SBK1: variants seen among roughly 807,000 people sequenced by gnomAD.
SBK1 encodes serine/threonine-protein kinase SBK1.
In SBK1, 11 loss-of-function variants were observed where a neutral mutation model predicts 24.4. The observed-to-expected ratio is 0.45, with a 90% CI of 0.28 to 0.75. The LOEUF (loss-of-function observed/expected upper bound fraction) is 0.75. SBK1 is among the 30% of genes least tolerant of loss of function. The pLI is 0.12. For synonymous variants in SBK1, 308 were observed against 284.4 expected (o/e 1.08, Z -0.83); for missense variants, 467 against 620.5 (o/e 0.75, Z 2.63).
In SBK1 at chr16:28,259,422, C is replaced by T. The variant is rs991153458; in HGVS notation, c.177C>T (p.Val59=). ...CGGCCTGGCCCATGGGCTGCGGAGT[C>T]GATGATGTGCCGGCCTTCTGCTTCG... The change falls in exon 1 of 4, where the codon GTC becomes GTT. Residue 59 remains valine (V), a synonymous_variant. Coordinates refer to the SBK1 transcript ENST00000671413. This position sits in a 1 kb window ranked among gnomAD's most constrained non-coding sequence, Gnocchi z 6.0. The T allele has an allele frequency of 1.3e-5, 13 of 985,756 alleles. No individual in the cohort carries two copies. In the South Asian group the frequency reaches 1.4e-4, roughly 11 times the overall value. The allele number at this position is 985,756 out of a possible 1,614,324, so 61.1% of individuals were successfully genotyped here.
intron 1 of SBK1, among the ~76,000 whole-genome samples, chr16:28,280,653 ATTTAT>A (rs376906418): frequency 2.6e-5 from 4 of 151,112 alleles, no homozygotes; most frequent in Admixed American, 2.0e-4. Flanking sequence ...CAGTAACTTC[ATTTAT>A]TTTATTTTAT....
At chr16:28,274,818 T>C (rs2044486602) in intron 1 of SBK1, among the ~76,000 whole-genome samples, 2 of 152,056 alleles carry the variant, frequency 1.3e-5, no homozygotes, top group African/African-American at 2.4e-5. Context: ...ACCAATGTTA[T>C]AATGCAACTG....
upstream of SBK1, among the ~76,000 whole-genome samples, chr16:28,288,450 G>A (rs1442905101): frequency 1.3e-5 from 2 of 152,166 alleles, no homozygotes. Flanking sequence ...CTCTTTCTAT[G>A]GGAAAACTTT....
Position 28,307,610 on chromosome 16 carries a change from C to G in SBK1, c.-7-9775C>G, listed in dbSNP as rs573413998. Among the ~76,000 whole-genome samples, 12 of 151,832 alleles carry G rather than the reference C, an allele frequency of 7.9e-5. No individual in the cohort carries two copies. In the South Asian group the frequency reaches 2.3e-3, roughly 29 times the overall value. ...CAAAAATTAGCCGGGCGTGGTGGCT[C>G]ACGCCTGTAGTCCCAGCTACTCGGG... is the stretch of plus-strand genomic sequence containing the variant. On this transcript the variant is annotated intron_variant, in intron 1 of 3. Transcript: ENST00000341901.
chr16:28,320,656 C>T lies in SBK1; in HGVS notation c.1010C>T (p.Pro337Leu). The change falls in exon 4 of 4, where the codon CCG (proline) becomes CTG (leucine). Residue 337 changes from proline to leucine, a missense_variant. Physicochemically the swap from Pro to Leu is moderately conservative, Grantham distance 98. Around this residue, in one of 4 missense-constraint regions of SBK1, gnomAD observed 166 missense variants for 146.8 expected, o/e 1.13. Transcript: ENST00000341901. The surrounding 1 kb of genome is among the most constrained non-coding windows in gnomAD (Gnocchi z 8.5). The stretch of plus-strand genomic sequence containing the variant: ...GCGCGCAAGCCCCCCGGGGACCGCC[C>T]GCCCGCCGCCGGGCCACTGCGCCTC... ...HRARKPPGDR[P>L]PAAGPLRLEA... 9 of 1,100,854 alleles carry T rather than the reference C, an allele frequency of 8.2e-6. No individual in the cohort carries two copies. Among genetic ancestry groups the T allele is most frequent in the Non-Finnish European group, 1.0e-5 (9 of 904,202 alleles). 68.2% of individuals were successfully genotyped at this position (1,100,854 alleles called of 1,614,324 possible). A position where few individuals can be genotyped will look rare whatever the true frequency, so the allele number is the denominator to read the frequency against.
chr16:28,288,233 C>T (rs2044578375), upstream of SBK1, among the ~76,000 whole-genome samples: 1 of 152,146 alleles, frequency 6.6e-6, no homozygotes, highest in Admixed American at 6.5e-5. Flanking sequence ...CCTGTGTCTC[C>T]ACGAACAGAC....
chr16:28,273,454 CCT>C (rs2044479085), intron 1 of SBK1, among the ~76,000 whole-genome samples: 1 of 152,072 alleles, frequency 6.6e-6, no homozygotes, highest in Non-Finnish European at 1.5e-5. Flanking sequence ...AAACTCTTGA[CCT>C]CAGGTGATCC....
At chr16:28,310,284 C>T (rs2044745445) in intron 1 of SBK1, among the ~76,000 whole-genome samples, 1 of 152,226 alleles carries the variant, frequency 6.6e-6, no homozygotes, top group Non-Finnish European at 1.5e-5. Context: ...AGAGAGGCCT[C>T]CGCTGCCTGG....
At chr16:28,301,103 A>G (rs1393513206) in intron 1 of SBK1, among the ~76,000 whole-genome samples, 1 of 151,710 alleles carries the variant, frequency 6.6e-6, no homozygotes, top group Non-Finnish European at 1.5e-5. Flanking sequence ...GTGGGCACCT[A>G]CTGTGCCCAG....
At chr16:28,262,731 A>G (rs975626392) in intron 1 of SBK1, among the ~76,000 whole-genome samples, 1 of 152,250 alleles carries the variant, frequency 6.6e-6, no homozygotes, top group African/African-American at 2.4e-5. Context: ...CAGCAAACGC[A>G]TCACCCACAG....
upstream of SBK1, among the ~76,000 whole-genome samples, chr16:28,287,646 G>GT (rs1388727045): frequency 1.3e-5 from 2 of 150,672 alleles, no homozygotes; most frequent in Non-Finnish European, 2.9e-5. Context: ...TTTTGTTTTT[G>GT]TTTGTTTGTT....
upstream of SBK1, among the ~76,000 whole-genome samples, chr16:28,289,121 T>C (rs1025261645): frequency 4.6e-5 from 7 of 152,322 alleles, no homozygotes; most frequent in Middle Eastern, 3.4e-3. Context: ...TCTCTAGGTC[T>C]GTTTCTTCCT....
At chr16:28,278,682 T>G (rs1429622623) in intron 1 of SBK1, among the ~76,000 whole-genome samples, 1 of 152,198 alleles carries the variant, frequency 6.6e-6, no homozygotes, top group African/African-American at 2.4e-5. Context: ...GATGGGCCGG[T>G]GGGGCATGTG....
Position 28,320,744 on chromosome 16 carries a change from GC to G in SBK1, c.1104del (p.Ala369ProfsTer26). 15 of 1,216,064 alleles carry G rather than the reference GC, an allele frequency of 1.2e-5. No individual in the cohort carries two copies. The highest frequency in any genetic ancestry group is 8.7e-5 in the Admixed American group (2 of 22,868). 75.3% of individuals were successfully genotyped at this position (1,216,064 alleles called of 1,614,324 possible). A position where few individuals can be genotyped will look rare whatever the true frequency, so the allele number is the denominator to read the frequency against. ...TESGSGSRPA[P>X]PAVGSVPLPV... ...AGAGCGGCAGCGGCTCCCGGCCCGC[GC>G]CCCCCGCCGTCGGGTCGGTGCCCTT... On this transcript the variant is annotated frameshift_variant, in exon 4 of 4. Transcript: ENST00000341901. LOFTEE classifies it high-confidence loss of function. The surrounding 1 kb of genome is among the most constrained non-coding windows in gnomAD (Gnocchi z 8.5).
chr16:28,297,464 C>G (rs1462500772), intron 1 of SBK1, among the ~76,000 whole-genome samples: 1 of 152,230 alleles, frequency 6.6e-6, no homozygotes, highest in Admixed American at 6.5e-5. Context: ...CACCCTTTTT[C>G]TGAACACAGG....
intron 1 of SBK1, among the ~76,000 whole-genome samples, chr16:28,301,994 G>T (rs975966728): frequency 2.0e-5 from 3 of 152,222 alleles, no homozygotes; most frequent in Admixed American, 2.0e-4. Flanking sequence ...GCTTGCTGGG[G>T]TCTGTATTTG....
At chr16:28,264,213 C>T (rs560346893) in intron 1 of SBK1, among the ~76,000 whole-genome samples, 51 of 152,220 alleles carry the variant, frequency 3.4e-4, no homozygotes, top group African/African-American at 1.2e-3. Flanking sequence ...GAAGGGAATC[C>T]GGGGTGATCT....
At chr16:28,280,958 G>A (rs949378628) in intron 1 of SBK1, among the ~76,000 whole-genome samples, 1 of 152,018 alleles carries the variant, frequency 6.6e-6, no homozygotes, top group African/African-American at 2.4e-5. Flanking sequence ...AGCCGCCCAC[G>A]CCTGGCTCCT....
At chr16:28,266,071 G>A (rs2044426387) in intron 1 of SBK1, among the ~76,000 whole-genome samples, 1 of 152,010 alleles carries the variant, frequency 6.6e-6, no homozygotes, top group African/African-American at 2.4e-5. Flanking sequence ...GTATCCTAAA[G>A]CCCCATTGAA....
Sources: gnomAD v4.1 joint callset for allele counts (sites outside exome capture counted in the v4.1 genomes callset) on GRCh38, gnomAD v4.1.1 for gene constraint, gnomAD v4.1.1 regional missense constraint, Gnocchi (gnomAD v3.1) non-coding constraint, MANE v1.5 for transcripts, NCBI Gene and HGNC (gene_info 2026-07-23, HGNC 2026-07-21) for gene names.